The following MATCAP2 variants were observed in gnomAD, a reference collection of about 807,000 sequenced individuals.
MATCAP2 encodes the protein microtubule associated tyrosine carboxypeptidase 2.
At chr7:36,332,094 A>G in the MATCAP2 span, among the ~76,000 whole-genome samples, 1 of 152,200 alleles carries the variant, frequency 6.6e-6, no homozygotes, top group Admixed American at 6.5e-5. Context: ...TCTTTTGTAT[A>G]CATTTGAAAT....
the MATCAP2 span, among the ~76,000 whole-genome samples, chr7:36,330,254 T>C: frequency 6.6e-6 from 1 of 151,746 alleles, no homozygotes; most frequent in Non-Finnish European, 1.5e-5. Flanking sequence ...CCGGCTACTT[T>C]TTAAAATTTT....
the MATCAP2 span, chr7:36,383,950 T>TGTTA: frequency 7.1e-7 from 1 of 1,413,012 alleles, no homozygotes; most frequent in South Asian, 1.4e-5. Context: ...AAAAGATTTG[T>TGTTA]GTTATTGTAT....
chr7:36,356,951 G>C, the MATCAP2 span: 1 of 1,614,076 alleles, frequency 6.2e-7, no homozygotes, highest in African/African-American at 1.3e-5. Flanking sequence ...TAATACGCTT[G>C]GCAGAGCAGG....
At chr7:36,376,182 T>C in the MATCAP2 span, among the ~76,000 whole-genome samples, 1 of 152,218 alleles carries the variant, frequency 6.6e-6, no homozygotes, top group Non-Finnish European at 1.5e-5. Context: ...ATTGTGAAGT[T>C]AGGGTGTCAA....
the MATCAP2 span, among the ~76,000 whole-genome samples, chr7:36,378,454 T>C: frequency 2.0e-5 from 3 of 152,240 alleles, no homozygotes; most frequent in Non-Finnish European, 4.4e-5. Context: ...TGCTGCCTGA[T>C]CCTTCCTCTG....
At chr7:36,363,143 A>G in the MATCAP2 span, among the ~76,000 whole-genome samples, 2 of 152,214 alleles carry the variant, frequency 1.3e-5, no homozygotes, top group Non-Finnish European at 2.9e-5. Flanking sequence ...TGAAACAATT[A>G]GTGATGTTGA....
At chr7:36,377,850 T>C in the MATCAP2 span, among the ~76,000 whole-genome samples, 1 of 152,226 alleles carries the variant, frequency 6.6e-6, no homozygotes, top group African/African-American at 2.4e-5. Flanking sequence ...TTTCATTCAT[T>C]TGATCTTCAA....
the MATCAP2 span, among the ~76,000 whole-genome samples, chr7:36,365,396 T>C: frequency 6.6e-6 from 1 of 152,124 alleles, no homozygotes; most frequent in Non-Finnish European, 1.5e-5. Flanking sequence ...AAGAACTATC[T>C]TGTCCAAAGT....
the MATCAP2 span, among the ~76,000 whole-genome samples, chr7:36,365,601 A>C: frequency 6.6e-6 from 1 of 152,202 alleles, no homozygotes; most frequent in African/African-American, 2.4e-5. Context: ...TCGGAGGCTG[A>C]GGCAGGAGAA....
chr7:36,357,400 T>C, the MATCAP2 span: 17 of 1,614,070 alleles, frequency 1.1e-5, no homozygotes, highest in South Asian at 5.5e-5. Context: ...AAGACTGTTT[T>C]TGTGAATGAT....
chr7:36,331,534 C>T, the MATCAP2 span, among the ~76,000 whole-genome samples: 1 of 152,038 alleles, frequency 6.6e-6, no homozygotes, highest in Non-Finnish European at 1.5e-5. Context: ...TTAGAAACTC[C>T]TGGTATTTAG....
chr7:36,327,484 C>A, the MATCAP2 span, among the ~76,000 whole-genome samples: 1 of 152,166 alleles, frequency 6.6e-6, no homozygotes, highest in Non-Finnish European at 1.5e-5. Flanking sequence ...CTACCTTGAA[C>A]CTACTCAGTT....
chr7:36,389,606 G>A, the MATCAP2 span, among the ~76,000 whole-genome samples: 1 of 152,206 alleles, frequency 6.6e-6, no homozygotes, highest in Admixed American at 6.5e-5. Flanking sequence ...TAAAGCTGAG[G>A]GGAATGTGTG....
the MATCAP2 span, among the ~76,000 whole-genome samples, chr7:36,386,824 T>C: frequency 2.0e-5 from 3 of 152,220 alleles, no homozygotes. Context: ...CAGGGGCATA[T>C]ACTACTGACT....
At chr7:36,367,190 C>T in the MATCAP2 span, 2 of 1,188,388 alleles carry the variant, frequency 1.7e-6, no homozygotes, top group African/African-American at 3.2e-5. Context: ...TGCCCAGCAG[C>T]GCTTAGAACC....
At chr7:36,347,853 C>G in the MATCAP2 span, among the ~76,000 whole-genome samples, 1 of 152,140 alleles carries the variant, frequency 6.6e-6, no homozygotes, top group Admixed American at 6.5e-5. Context: ...AAACTTCCCC[C>G]CCAAACAGAA....
At chr7:36,324,895 C>T in the MATCAP2 span, 1 of 152,152 alleles carries the variant, frequency 6.6e-6, no homozygotes, top group South Asian at 2.1e-4. Flanking sequence ...AATGATCCGA[C>T]CAACAGGAAA....
At chr7:36,343,346 G>C in the MATCAP2 span, among the ~76,000 whole-genome samples, 1 of 107,994 alleles carries the variant, frequency 9.3e-6, no homozygotes. Flanking sequence ...AGAGGAGAGG[G>C]GAGCAGAGGG....
chr7:36,376,923 T>G, the MATCAP2 span, among the ~76,000 whole-genome samples: 1 of 152,178 alleles, frequency 6.6e-6, no homozygotes, highest in Non-Finnish European at 1.5e-5. Flanking sequence ...CCCCTGCTTT[T>G]TTATTTTTTT....
Sources: gnomAD v4.1 joint callset for allele counts (sites outside exome capture counted in the v4.1 genomes callset) on GRCh38, gnomAD v4.1.1 for gene constraint, MANE v1.5 for transcripts, NCBI Gene and HGNC (gene_info 2026-07-23, HGNC 2026-07-21) for gene names.